The following MOB4 variants were observed in gnomAD, a reference collection of about 807,000 sequenced individuals.
MOB4 encodes the protein MOB-like protein phocein.
In MOB4, 4 loss-of-function variants were observed where a neutral mutation model predicts 32.2. The ratio of observed to expected loss-of-function variants is 0.12; its 90% CI spans 0.06 to 0.28. MOB4 has a LOEUF of 0.28. Among genes scored for constraint, MOB4 ranks in the 10% least tolerant of loss-of-function variants. MOB4 has a pLI of 1.00. For synonymous variants in MOB4, 88 were observed against 88.1 expected (o/e 1.00, Z 0.01); for missense variants, 158 against 271.2 (o/e 0.58, Z 2.93).
intron 3 of MOB4, among the ~76,000 whole-genome samples, chr2:197,537,716 C>T (rs1014037037): frequency 1.3e-5 from 2 of 152,174 alleles, no homozygotes; most frequent in Non-Finnish European, 2.9e-5. Context: ...AGACAGAGAG[C>T]ACTTTAGTGT....
At chr2:197,542,517 C>T (rs1045422836) in intron 5 of MOB4, among the ~76,000 whole-genome samples, 1 of 152,150 alleles carries the variant, frequency 6.6e-6, no homozygotes, top group African/African-American at 2.4e-5. Context: ...GAAGTGGGAG[C>T]AGCAGAATAC....
intron 2 of MOB4, among the ~76,000 whole-genome samples, chr2:197,524,530 CAAAAA>C (rs58552334): frequency 1.8e-5 from 2 of 108,976 alleles, no homozygotes; most frequent in African/African-American, 3.3e-5. Flanking sequence ...GACTCTGTCT[CAAAAA>C]AAAAAAAAAA....
chr2:197,532,199 G>C (rs1485779428), intron 2 of MOB4, among the ~76,000 whole-genome samples: 1 of 152,196 alleles, frequency 6.6e-6, no homozygotes, highest in African/African-American at 2.4e-5. Context: ...GTGAGCCATT[G>C]TGACTGGCCA....
At chr2:197,533,722 C>CAAAA (rs796816631) in intron 2 of MOB4, 205 of 142,214 alleles carry the variant, frequency 1.4e-3, no homozygotes, top group Middle Eastern at 2.6e-3. Context: ...CAAAACTCCT[C>CAAAA]AAAAAAAAAA....
chr2:197,520,313 T>C (rs1219402689), intron 1 of MOB4, among the ~76,000 whole-genome samples: 1 of 152,000 alleles, frequency 6.6e-6, no homozygotes, highest in African/African-American at 2.4e-5. Flanking sequence ...TAATTTTTTG[T>C]ATTTTTTCAT....
At chr2:197,520,521 TTACAGGTTTATA>T (rs1375136698) in intron 1 of MOB4, among the ~76,000 whole-genome samples, 2 of 152,172 alleles carry the variant, frequency 1.3e-5, no homozygotes, top group Non-Finnish European at 2.9e-5. Context: ...TTGATTGTTT[TTACAGGTTTATA>T]TACAGGTTTA....
chr2:197,551,545 T>C lies in MOB4; in HGVS notation c.*899T>C, dbSNP rs1359381787. On this transcript the variant is annotated 3_prime_UTR_variant, in exon 8 of 8. Transcript: ENST00000323303. ...TCTTGCTTATCTTTGTTTTGCAAAA[T>C]TGTTCTACTTAGAAAACAGTCCTTA... The C allele has an allele frequency of 6.5e-6, 1 of 152,784 alleles. No homozygotes were observed. Among genetic ancestry groups the C allele is most frequent in the Non-Finnish European group, 1.5e-5 (1 of 68,024 alleles). The allele number at this position is 152,784 out of a possible 1,614,324, so 9.5% of individuals were successfully genotyped here.
chr2:197,540,610 A>G (rs867654288), intron 5 of MOB4, among the ~76,000 whole-genome samples, 173 bp downstream of exon 5: 6 of 152,354 alleles, frequency 3.9e-5, no homozygotes, highest in Middle Eastern at 3.4e-3. Context: ...TTCTTATGAT[A>G]AGCATCATTT....
At chr2:197,548,849 C>A (rs1315098890) in intron 6 of MOB4, among the ~76,000 whole-genome samples, 1 of 151,988 alleles carries the variant, frequency 6.6e-6, no homozygotes, top group Non-Finnish European at 1.5e-5. Context: ...CCCTCTCATG[C>A]TTTAGAGTTG....
chr2:197,523,220 T>A lies in MOB4; in HGVS notation c.61-404T>A, dbSNP rs143369103. Among the ~76,000 whole-genome samples, 601 of 152,286 alleles carry A rather than the reference T, an allele frequency of 3.9e-3. 3 individuals carry two copies. The highest frequency in any genetic ancestry group is 0.013 in the African/African-American group (538 of 41,562). ...ACATTAAAGGTTTATGGGAGCTGTA[T>A]TTGAGGAATCTGTGATTGGAAAAAA... On this transcript the variant is annotated intron_variant, in intron 1 of 7. Transcript: ENST00000323303.
At chr2:197,516,401 C>A (rs2086412347) in intron 1 of MOB4, 1 of 1,395,046 alleles carries the variant, frequency 7.2e-7, no homozygotes. Flanking sequence ...ACCTGCCTGC[C>A]GAAGCCCTGG....
chr2:197,524,700 A>C (rs1364789621), intron 2 of MOB4, among the ~76,000 whole-genome samples: 1 of 151,766 alleles, frequency 6.6e-6, no homozygotes, highest in Admixed American at 6.6e-5. Context: ...GCCCACCTTG[A>C]ACTCCTGGGC....
intron 5 of MOB4, among the ~76,000 whole-genome samples, chr2:197,542,227 T>G (rs2086908936): frequency 1.3e-5 from 2 of 152,238 alleles, no homozygotes; most frequent in Non-Finnish European, 2.9e-5. Flanking sequence ...GACAGGATAG[T>G]CATTAGCATT....
intron 5 of MOB4, among the ~76,000 whole-genome samples, chr2:197,544,775 T>G (rs1033211494): frequency 6.8e-6 from 1 of 147,720 alleles, no homozygotes; most frequent in African/African-American, 2.5e-5. Flanking sequence ...AGGGTCAAAA[T>G]GGAAAAATTT....
chr2:197,519,682 G>A (rs1194247735), intron 1 of MOB4, among the ~76,000 whole-genome samples: 1 of 151,992 alleles, frequency 6.6e-6, no homozygotes, highest in African/African-American at 2.4e-5. Context: ...TTTCTCCCCT[G>A]AAATGAATAT....
chr2:197,540,283 T>C (rs542657123), intron 4 of MOB4, 68 bp from the exon 5 acceptor site: 3 of 1,474,252 alleles, frequency 2.0e-6, no homozygotes, highest in East Asian at 2.5e-5. Flanking sequence ...TATGGAAATA[T>C]AGTAACCTAA....
chr2:197,521,387 T>C (rs1223574911), intron 1 of MOB4, among the ~76,000 whole-genome samples: 1 of 151,938 alleles, frequency 6.6e-6, no homozygotes, highest in Non-Finnish European at 1.5e-5. Context: ...ACAAGGGAAA[T>C]GGAGGCAGGG....
chr2:197,534,792 C>T (rs2086768877), intron 2 of MOB4, among the ~76,000 whole-genome samples: 1 of 152,080 alleles, frequency 6.6e-6, no homozygotes, highest in African/African-American at 2.4e-5. Context: ...ATCTGCCCAC[C>T]TCGGCCTCCC....
At chr2:197,536,354 C>A (rs1003430662) in intron 3 of MOB4, among the ~76,000 whole-genome samples, 9 of 151,966 alleles carry the variant, frequency 5.9e-5, no homozygotes, top group African/African-American at 2.2e-4. Context: ...CTAGTGCATG[C>A]CTCTAAGCCT....
Sources: gnomAD v4.1 joint callset for allele counts (sites outside exome capture counted in the v4.1 genomes callset) on GRCh38, gnomAD v4.1.1 for gene constraint, MANE v1.5 for transcripts, NCBI Gene and HGNC (gene_info 2026-07-23, HGNC 2026-07-21) for gene names.